EMG1: variants seen among roughly 807,000 people sequenced by gnomAD.
The protein encoded by EMG1 is EMG1 N1-specific pseudouridine methyltransferase, also known as ribosomal RNA small subunit methyltransferase NEP1.
Under a neutral mutation model 26.9 loss-of-function variants are expected in EMG1, and 24 were observed. The ratio of observed to expected loss-of-function variants is 0.89; its 90% confidence interval spans 0.65 to 1.26. The LOEUF (loss-of-function observed/expected upper bound fraction) is 1.26, where lower values mean the gene tolerates loss of function less well. EMG1 is among the 50% of genes most tolerant of loss of function. EMG1 has a pLI of 0.00. For missense variants in EMG1, 299 were observed against 307.6 expected (o/e 0.97, Z 0.21); for synonymous variants, 140 against 112.6 (o/e 1.24, Z -1.54).
At position 6,979,319 on chromosome 12, in the gene EMG1, A is replaced by C. The variant is rs184011370; in HGVS notation, c.*3510A>C. The C allele has an allele frequency of 1.6e-6, 1 of 640,874 alleles. No individual in the cohort carries two copies. Among genetic ancestry groups the C allele is most frequent in the East Asian group, 2.7e-5 (1 of 36,572 alleles). 39.7% of individuals were successfully genotyped at this position (640,874 alleles called of 1,614,324 possible). On this transcript the variant is annotated 3_prime_UTR_variant, in exon 6 of 6. Coordinates refer to ENST00000599672, the MANE Select transcript of EMG1 (RefSeq NM_006331.8). ...TGCTGGCTGATGAACATGTCCCAGC[A>C]CGGCTGGCATTGACAACTCACAGAT...
intron 7 of EMG1, among the ~76,000 whole-genome samples, chr12:6,993,944 A>G (rs782108640): frequency 1.2e-4 from 19 of 152,298 alleles, no homozygotes; most frequent in African/African-American, 4.3e-4. Context: ...CCCATTCATC[A>G]GCTGACAAAC....
chr12:6,975,913 G>T lies in EMG1; in HGVS notation c.*104G>T. 3 of 733,570 alleles carry T rather than the reference G, an allele frequency of 4.1e-6. No homozygotes were observed. Among genetic ancestry groups the T allele is most frequent in the Non-Finnish European group, 7.3e-6 (3 of 412,382 alleles). The allele number at this position is 733,570 out of a possible 1,614,324, so 45.4% of individuals were successfully genotyped here. On this transcript the variant is annotated 3_prime_UTR_variant, in exon 6 of 6. Coordinates refer to ENST00000599672, the MANE Select transcript of EMG1 (RefSeq NM_006331.8). ...ATGATCTTTCTGCACTGAGACTGTG[G>T]AGTTTGGGGAAGCCAAGGCTGTACA...
chr12:6,991,691 G>A (rs782475853), downstream of EMG1, among the ~76,000 whole-genome samples: 2 of 152,320 alleles, frequency 1.3e-5, no homozygotes, highest in African/African-American at 4.8e-5. Context: ...ACAGTTTCAA[G>A]AGACTGTCTG....
In EMG1 at chr12:6,979,471, G is replaced by A. The variant is rs781959226; in HGVS notation, c.*3662G>A. 12 of 1,601,944 alleles carry A rather than the reference G, an allele frequency of 7.5e-6. No individual in the cohort carries two copies. Among genetic ancestry groups the A allele is most frequent in the Admixed American group, 1.7e-5 (1 of 60,004 alleles). On this transcript the variant is annotated 3_prime_UTR_variant, in exon 6 of 6. Transcript: ENST00000599672. ...TGCTGCTGCTTTAGTAGACACTCAC[G>A]TCATAGTCTTCAGTGAGGAGATAGT...
rs1377887396 is a variant in EMG1, at chr12:6,977,968, C to T, written c.*2159C>T. The T allele has an allele frequency of 6.9e-6, 4 of 582,694 alleles. No individual in the cohort carries two copies. Among genetic ancestry groups the T allele is most frequent in the Non-Finnish European group, 1.2e-5 (4 of 329,786 alleles). The allele number at this position is 582,694 out of a possible 1,614,324, so 36.1% of individuals were successfully genotyped here. ...TGTGCGCACGAGCCACTTGGTTCAG[C>T]AGCAGTGACTGAGGCTGATGCTGAG... is the stretch of plus-strand genomic sequence containing the variant. On this transcript the variant is annotated 3_prime_UTR_variant, in exon 6 of 6. Transcript: ENST00000599672. This position sits in a 1 kb window ranked among gnomAD's most constrained non-coding sequence, Gnocchi z 4.5.
chr12:6,972,207 C>A (rs1555152378), intron 1 of EMG1, among the ~76,000 whole-genome samples: 1 of 151,906 alleles, frequency 6.6e-6, no homozygotes, highest in African/African-American at 2.4e-5. Context: ...GCTGGGATTA[C>A]AGGCCTGCGC....
downstream of EMG1, chr12:6,982,728 C>G (rs144166001): frequency 1.2e-6 from 2 of 1,614,014 alleles, no homozygotes; most frequent in Non-Finnish European, 8.5e-7. Context: ...GCCCATTAGT[C>G]GAAGGATGAG....
chr12:6,974,573 A>G lies in EMG1; in HGVS notation c.292A>G (p.Ser98Gly). 1 of 1,613,892 alleles carries G rather than the reference A, an allele frequency of 6.2e-7. No homozygotes were observed. The highest frequency in any genetic ancestry group is 8.5e-7 in the Non-Finnish European group (1 of 1,179,800). The change falls in exon 3 of 6, where the codon AGT (serine) becomes GGT (glycine). Residue 98 changes from serine (S) to glycine (G), a missense_variant. Physicochemically the swap from Ser to Gly is moderately conservative, Grantham distance 56 (BLOSUM62 0). Transcript: ENST00000599672. ...TCAGAGTTTGCTGATGCTGATGGAT[A>G]GTCCCCTGAACCGAGCTGGCTTGCT... Reference protein sequence around the residue: ...THQSLLMLMDSPLNRAGLLQV... With the variant: ...THQSLLMLMDGPLNRAGLLQV...
At chr12:6,985,077 TC>T (rs1428386031) in intron 6 of EMG1, among the ~76,000 whole-genome samples, 1 of 138,352 alleles carries the variant, frequency 7.2e-6, no homozygotes, top group African/African-American at 2.7e-5. Flanking sequence ...TAGTCATTTT[TC>T]CCCCATACAT....
chr12:6,977,169 CT>C lies in EMG1; in HGVS notation c.*1363del. Reference sequence around the variant, plus strand: ...GATTATTCCATCTTCTTTAACTTCTCTTTCCTTGGCACCATTGCTTTGTGAA... The same window carrying C: ...GATTATTCCATCTTCTTTAACTTCTCTTCCTTGGCACCATTGCTTTGTGAA... On this transcript the variant is annotated 3_prime_UTR_variant, in exon 6 of 6. Transcript: ENST00000599672. This position sits in a 1 kb window ranked among gnomAD's most constrained non-coding sequence, Gnocchi z 4.5. The C allele has an allele frequency of 6.2e-7, 1 of 1,611,756 alleles. No individual in the cohort carries two copies. Among genetic ancestry groups the C allele is most frequent in the Non-Finnish European group, 8.5e-7 (1 of 1,177,826 alleles).
At position 6,975,605 on chromosome 12, in the gene EMG1, T is replaced by C. The variant is rs1946385500; in HGVS notation, c.622-91T>C. The stretch of plus-strand genomic sequence containing the variant: ...TTGATATTCAACAGCACAGCTGAAA[T>C]ACTAGCTCAGCCATAGTTTTCCTGC... On this transcript the variant is annotated intron_variant, in intron 5 of 5. Coordinates refer to ENST00000599672, the MANE Select transcript of EMG1 (RefSeq NM_006331.8). 1.4e-5 allele frequency: 14 copies of C among 1,023,198 alleles called. No homozygotes were observed. In the South Asian group the frequency reaches 1.8e-4, roughly 13 times the overall value. The allele number at this position is 1,023,198 out of a possible 1,614,324, so 63.4% of individuals were successfully genotyped here.
In EMG1 at chr12:6,977,250, T is replaced by C; in HGVS notation, c.*1441T>C. On this transcript the variant is annotated 3_prime_UTR_variant, in exon 6 of 6. Coordinates refer to ENST00000599672, the MANE Select transcript of EMG1 (RefSeq NM_006331.8). The surrounding 1 kb of genome is among the most constrained non-coding windows in gnomAD (Gnocchi z 4.5). ...AAGAAGATGTGGCCAAGGAAATAGA[T>C]GGATTTATACACCTGTGGAGAGAGA... The C allele has an allele frequency of 6.2e-7, 1 of 1,613,426 alleles. No individual in the cohort carries two copies.
Position 6,979,646 on chromosome 12 carries a change from TCA to T in EMG1, c.*3838_*3839del, listed in dbSNP as rs1431583726. On this transcript the variant is annotated 3_prime_UTR_variant, in exon 6 of 6. Transcript: ENST00000599672. ...GACTATTCCCTTCACCCTCTGACCT[TCA>T]GTTATGGAGAGGAGTGTTTAGGGGT... The T allele has an allele frequency of 1.7e-5, 19 of 1,118,804 alleles. No homozygotes were observed. Among genetic ancestry groups the T allele is most frequent in the African/African-American group, 3.1e-5 (2 of 65,550 alleles). 69.3% of individuals were successfully genotyped at this position (1,118,804 alleles called of 1,614,324 possible).
rs1946417746 is a variant in EMG1, at chr12:6,977,406, C to T, written c.*1597C>T. On this transcript the variant is annotated 3_prime_UTR_variant, in exon 6 of 6. Transcript: ENST00000599672. The surrounding 1 kb of genome is among the most constrained non-coding windows in gnomAD (Gnocchi z 4.5). ...CCCACGTGAAGAGGCAGAAGGCAGTCATGGAGTAACCCATGAAGAGCCAGT... is the reference window on the plus strand; with the variant it reads ...CCCACGTGAAGAGGCAGAAGGCAGTTATGGAGTAACCCATGAAGAGCCAGT... The T allele has an allele frequency of 1.2e-6, 2 of 1,614,188 alleles. No individual in the cohort carries two copies. The highest frequency in any genetic ancestry group is 1.7e-6 in the Non-Finnish European group (2 of 1,180,042).
intron 1 of EMG1, among the ~76,000 whole-genome samples, chr12:6,972,723 G>A (rs1431954975): frequency 6.6e-6 from 1 of 152,152 alleles, no homozygotes; most frequent in Non-Finnish European, 1.5e-5. Flanking sequence ...TTTTGGCTTT[G>A]TGCTTGATAC....
chr12:6,973,004 A>ATTT (rs11462026), intron 1 of EMG1, among the ~76,000 whole-genome samples: 24 of 137,602 alleles, frequency 1.7e-4, no homozygotes, highest in African/African-American at 4.3e-4. Flanking sequence ...CGCCTGGCTA[A>ATTT]TTTTTTTTTT....
intron 1 of EMG1, among the ~76,000 whole-genome samples, 183 bp downstream of exon 1, chr12:6,971,274 C>CT (rs34818013): frequency 0.1 from 13,861 of 135,434 alleles, 1,763 homozygotes; most frequent in African/African-American, 0.29. Context: ...ATTTTTCTTT[C>CT]TTTTTTTTTT....
Position 6,977,073 on chromosome 12 carries a change from T to C in EMG1, c.*1264T>C. 1 of 1,041,560 alleles carries C rather than the reference T, an allele frequency of 9.6e-7. No homozygotes were observed. Among genetic ancestry groups the C allele is most frequent in the Non-Finnish European group, 1.5e-6 (1 of 670,360 alleles). The allele number at this position is 1,041,560 out of a possible 1,614,324, so 64.5% of individuals were successfully genotyped here. On this transcript the variant is annotated 3_prime_UTR_variant, in exon 6 of 6. Coordinates refer to ENST00000599672, the MANE Select transcript of EMG1 (RefSeq NM_006331.8). The surrounding 1 kb of genome is among the most constrained non-coding windows in gnomAD (Gnocchi z 4.5). ...CAGATTTCTAATACTATTGTTTTTT[T>C]CCAGTCTGTTGCTCTATTCTGTAAC...
chr12:6,976,622 C>G lies in EMG1; in HGVS notation c.*813C>G, dbSNP rs1946405106. The G allele has an allele frequency of 6.5e-6, 1 of 153,274 alleles. No homozygotes were observed. The highest frequency in any genetic ancestry group is 1.5e-5 in the Non-Finnish European group (1 of 68,856). 9.5% of individuals were successfully genotyped at this position (153,274 alleles called of 1,614,324 possible). A position where few individuals can be genotyped will look rare whatever the true frequency, so the allele number is the denominator to read the frequency against. On this transcript the variant is annotated 3_prime_UTR_variant, in exon 6 of 6. Transcript: ENST00000599672. ...CCTGTATTCCCAGCTACTTGGGAGGCTGAGGCAGGAAAATCACTTGAACCC... is the reference window on the plus strand; with the variant it reads ...CCTGTATTCCCAGCTACTTGGGAGGGTGAGGCAGGAAAATCACTTGAACCC...
Sources: gnomAD v4.1 joint callset for allele counts (sites outside exome capture counted in the v4.1 genomes callset) on GRCh38, gnomAD v4.1.1 for gene constraint, Gnocchi (gnomAD v3.1) non-coding constraint, MANE v1.5 for transcripts, NCBI Gene and HGNC (gene_info 2026-07-23, HGNC 2026-07-21) for gene names.